ZNF423: variants seen among roughly 807,000 people sequenced by gnomAD.
ZNF423 encodes the protein zinc finger protein 423, also known as Ebf-associated zinc finger protein.
A neutral mutation model predicts 95.8 loss-of-function variants in ZNF423; 12 were observed. The ratio of observed to expected loss-of-function variants is 0.13; its 90% CI spans 0.08 to 0.20. The LOEUF (loss-of-function observed/expected upper bound fraction) is 0.20, where lower values mean the gene tolerates loss of function less well. Among genes scored for constraint, ZNF423 ranks in the 10% least tolerant of loss-of-function variants. ZNF423 has a pLI of 1.00. For synonymous variants in ZNF423, 749 were observed against 711.9 expected (o/e 1.05, Z -0.83); for missense variants, 1,316 against 1,737.1 (o/e 0.76, Z 4.31).
chr16:49,832,574 G>A (rs921793991), intron 1 of ZNF423, among the ~76,000 whole-genome samples: 1 of 152,200 alleles, frequency 6.6e-6, no homozygotes, highest in East Asian at 1.9e-4. Flanking sequence ...TGGGGCAAGA[G>A]GGGGAAGGGT....
Position 49,677,950 on chromosome 16 carries a change from AGGC to A in ZNF423, c.302-39079_302-39077del, listed in dbSNP as rs1249295204. ...GTAATCCCAACACTTTGGGAGGCCG[AGGC>A]GGGTAGATCATTTGAGGTCAGGAGT... On this transcript the variant is annotated intron_variant, in intron 3 of 7. Transcript: ENST00000563137. Among the ~76,000 whole-genome samples the A allele has an allele frequency of 5.3e-5, 8 of 152,238 alleles. No individual in the cohort carries two copies. In the South Asian group the frequency reaches 1.5e-3, roughly 28 times the overall value.
At chr16:49,577,712 C>A (rs1489071498) in intron 5 of ZNF423, among the ~76,000 whole-genome samples, 1 of 152,174 alleles carries the variant, frequency 6.6e-6, no homozygotes, top group African/African-American at 2.4e-5. Flanking sequence ...GCCGACCCTC[C>A]TCACTCATGG....
chr16:49,716,338 C>T (rs1327468451), intron 3 of ZNF423, among the ~76,000 whole-genome samples: 1 of 152,162 alleles, frequency 6.6e-6, no homozygotes, highest in Non-Finnish European at 1.5e-5. Context: ...CTCAGCCAAG[C>T]CCTTGGAGAG....
chr16:49,768,284 G>GA (rs140244880), intron 2 of ZNF423, among the ~76,000 whole-genome samples: 3,055 of 152,308 alleles, frequency 0.02, 100 homozygotes, highest in African/African-American at 0.07. Context: ...GTCTGCAGAC[G>GA]AGAGTTCATT....
chr16:49,824,378 A>G (rs1283874041), intron 1 of ZNF423, among the ~76,000 whole-genome samples: 1 of 152,140 alleles, frequency 6.6e-6, no homozygotes, highest in Non-Finnish European at 1.5e-5. Flanking sequence ...GACAAGAGAC[A>G]GAGCCAGGTT....
intron 2 of ZNF423, among the ~76,000 whole-genome samples, chr16:49,748,710 G>A (rs546007146): frequency 3.1e-4 from 47 of 152,230 alleles, no homozygotes; most frequent in South Asian, 6.2e-4. Flanking sequence ...CCCCTTTTCC[G>A]TGCAGGGATG....
chr16:49,812,451 T>G (rs1211607766), intron 1 of ZNF423, among the ~76,000 whole-genome samples: 1 of 152,130 alleles, frequency 6.6e-6, no homozygotes, highest in Non-Finnish European at 1.5e-5. Context: ...CCCAGCACTC[T>G]AGGAGGCCAA....
chr16:49,691,866 C>T lies in ZNF423; in HGVS notation c.301+38905G>A, dbSNP rs562089679. On this transcript the variant is annotated intron_variant, in intron 3 of 7. Coordinates refer to ENST00000563137, the MANE Select transcript of ZNF423 (RefSeq NM_001379286.1). The stretch of plus-strand genomic sequence containing the variant: ...ATAAGCCTGGGGCTGAGCACTTGGC[C>T]TCCTCCTGCTGCTGAGGGACAGGGC... 5.3e-5 allele frequency among the ~76,000 whole-genome samples: 8 copies of T among 152,296 alleles called. No homozygotes were observed. The South Asian group carries it at 1.7e-3, about 32-fold the overall frequency.
At chr16:49,748,346 T>C (rs536229342) in intron 2 of ZNF423, among the ~76,000 whole-genome samples, 1 of 152,010 alleles carries the variant, frequency 6.6e-6, no homozygotes, top group Non-Finnish European at 1.5e-5. Flanking sequence ...CACCTCTGAG[T>C]TTAAAAAGAA....
At chr16:49,596,443 C>T (rs1029192710) in intron 5 of ZNF423, among the ~76,000 whole-genome samples, 1 of 152,196 alleles carries the variant, frequency 6.6e-6, no homozygotes, top group Non-Finnish European at 1.5e-5. Flanking sequence ...GGCCTCAGCC[C>T]TTACTCCTAA....
At chr16:49,500,002 G>A (rs562333749) in intron 7 of ZNF423, among the ~76,000 whole-genome samples, 14 of 152,290 alleles carry the variant, frequency 9.2e-5, no homozygotes, top group East Asian at 3.9e-4. Flanking sequence ...AATGGGCCCC[G>A]TCAGTCTGTT....
chr16:49,639,210 C>T (rs1254910434), intron 3 of ZNF423, among the ~76,000 whole-genome samples: 1 of 152,222 alleles, frequency 6.6e-6, no homozygotes, highest in African/African-American at 2.4e-5. Context: ...GACAAAGTCA[C>T]TGGAAACGAA....
At chr16:49,541,523 AG>A (rs1354278105) in intron 5 of ZNF423, among the ~76,000 whole-genome samples, 1 of 152,200 alleles carries the variant, frequency 6.6e-6, no homozygotes, top group Non-Finnish European at 1.5e-5. Flanking sequence ...AAGGTGTTAG[AG>A]GGTCATCTCT....
intron 1 of ZNF423, among the ~76,000 whole-genome samples, chr16:49,814,292 G>A (rs1345423538): frequency 6.6e-6 from 1 of 152,040 alleles, no homozygotes; most frequent in East Asian, 1.9e-4. Flanking sequence ...GGGGTGGGGG[G>A]ATGACATCCC....
chr16:49,504,497 A>G (rs34914698), intron 7 of ZNF423, among the ~76,000 whole-genome samples: 29,712 of 152,034 alleles, frequency 0.2, 3,522 homozygotes, highest in African/African-American at 0.34. Flanking sequence ...CAGGAGAATC[A>G]CTTGAACCCA....
chr16:49,681,486 TG>T (rs2031353114), intron 3 of ZNF423, among the ~76,000 whole-genome samples: 1 of 152,142 alleles, frequency 6.6e-6, no homozygotes, highest in Non-Finnish European at 1.5e-5. Flanking sequence ...ATAAAGCAAA[TG>T]GGGCAGATGT....
chr16:49,522,965 T>C (rs977979833), intron 7 of ZNF423, among the ~76,000 whole-genome samples: 3 of 152,072 alleles, frequency 2.0e-5, no homozygotes, highest in Non-Finnish European at 2.9e-5. Flanking sequence ...CAGTAACAGG[T>C]GAAATGGGGC....
chr16:49,727,395 G>T (rs1478726692), intron 3 of ZNF423, among the ~76,000 whole-genome samples: 1 of 152,162 alleles, frequency 6.6e-6, no homozygotes, highest in East Asian at 2.0e-4. Flanking sequence ...CACCCCTGAG[G>T]GGTAAGCATC....
chr16:49,527,859 C>G (rs985772177), intron 5 of ZNF423, among the ~76,000 whole-genome samples: 1 of 152,066 alleles, frequency 6.6e-6, no homozygotes, highest in Non-Finnish European at 1.5e-5. Flanking sequence ...TGACTTGTAC[C>G]CCTCATTGTA....
Sources: allele counts gnomAD v4.1 joint callset (sites outside exome capture counted in the v4.1 genomes callset), GRCh38; gene constraint gnomAD v4.1.1; transcripts MANE v1.5; gene names NCBI Gene and HGNC (gene_info 2026-07-23, HGNC 2026-07-21).